Variants in ENTREP3 observed in about 807,000 individuals in gnomAD.
ENTREP3 encodes the protein endosomal transmembrane epsin interactor 3, also known as protein ENTREP3.
chr1:155,255,429 C>G, the ENTREP3 span: 1 of 152,700 alleles, frequency 6.5e-6, no homozygotes, highest in Non-Finnish European at 1.5e-5. The surrounding 1 kb of genome is among the most constrained non-coding windows in gnomAD (Gnocchi z 5.6). Context: ...CACCACGCTC[C>G]GCTCCCCGAG....
At chr1:155,249,817 C>T in the ENTREP3 span, among the ~76,000 whole-genome samples, 7 of 147,570 alleles carry the variant, frequency 4.7e-5, no homozygotes, top group Admixed American at 1.4e-4. Flanking sequence ...ACCCGGGAGG[C>T]GGAGCTTGCA....
chr1:155,250,844 T>C, the ENTREP3 span: 1 of 1,579,420 alleles, frequency 6.3e-7, no homozygotes, highest in South Asian at 1.1e-5. The surrounding 1 kb of genome is among the most constrained non-coding windows in gnomAD (Gnocchi z 5.4). Context: ...GGGGGCGCTG[T>C]GTAGCACCAG....
At chr1:155,251,775 T>A in the ENTREP3 span, 5 of 1,606,718 alleles carry the variant, frequency 3.1e-6, no homozygotes, top group East Asian at 2.2e-5. Flanking sequence ...CTCTGGGGGA[T>A]AGTAGGGCGG....
chr1:155,247,679 G>T, the ENTREP3 span: 2 of 1,111,038 alleles, frequency 1.8e-6, no homozygotes, highest in South Asian at 3.1e-5. Context: ...GTATACAGCA[G>T]GTTTCTTTTT....
At chr1:155,250,739 C>G in the ENTREP3 span, 1 of 1,612,952 alleles carries the variant, frequency 6.2e-7, no homozygotes, top group Non-Finnish European at 8.5e-7. The surrounding 1 kb of genome is among the most constrained non-coding windows in gnomAD (Gnocchi z 5.4). Context: ...GCAGCTCCAG[C>G]AGGCACGAGT....
the ENTREP3 span, chr1:155,251,727 C>A: frequency 1.2e-6 from 2 of 1,612,670 alleles, no homozygotes; most frequent in Non-Finnish European, 1.7e-6. Context: ...CCCCACCAGG[C>A]CTTACCTCTG....
the ENTREP3 span, among the ~76,000 whole-genome samples, chr1:155,249,980 A>G: frequency 6.6e-6 from 1 of 151,558 alleles, no homozygotes; most frequent in Non-Finnish European, 1.5e-5. Flanking sequence ...GAGTCACTTG[A>G]ACCCGGGAAA....
At chr1:155,251,234 G>A in the ENTREP3 span, 4 of 1,275,438 alleles carry the variant, frequency 3.1e-6, no homozygotes, top group Non-Finnish European at 4.3e-6. Flanking sequence ...ACAGAGCTCT[G>A]GAGACTTAGA....
chr1:155,252,690 G>GTGTGTA, the ENTREP3 span: 4 of 32,880 alleles, frequency 1.2e-4, no homozygotes, highest in African/African-American at 1.9e-4. Context: ...AATTTTGTGT[G>GTGTGTA]TATATATATA....
the ENTREP3 span, chr1:155,250,527 C>T: frequency 2.6e-6 from 4 of 1,530,086 alleles, no homozygotes; most frequent in South Asian, 1.2e-5. The surrounding 1 kb of genome is among the most constrained non-coding windows in gnomAD (Gnocchi z 5.4). Context: ...GTGGCAGCTG[C>T]GGGCAGCTGT....
At chr1:155,247,964 G>A in the ENTREP3 span, 25 of 1,606,506 alleles carry the variant, frequency 1.6e-5, no homozygotes, top group Non-Finnish European at 1.5e-5. Context: ...ACCTGGACAG[G>A]GACACAAGAA....
At chr1:155,249,236 G>A in the ENTREP3 span, among the ~76,000 whole-genome samples, 3 of 151,464 alleles carry the variant, frequency 2.0e-5, no homozygotes, top group South Asian at 2.1e-4. Flanking sequence ...AATTACAGGC[G>A]CGCTCCACCA....
the ENTREP3 span, chr1:155,247,647 A>ATT: frequency 0.31 from 261,365 of 848,410 alleles, 47,888 homozygotes; most frequent in East Asian, 0.73. Context: ...CAGAGGTAGG[A>ATT]GGGAAAGGGA....
the ENTREP3 span, chr1:155,253,767 C>T: frequency 2.2e-5 from 35 of 1,605,776 alleles, no homozygotes; most frequent in Admixed American, 7.0e-5. Flanking sequence ...AGTCAGGAGA[C>T]GGCTAAGTTC....
the ENTREP3 span, chr1:155,248,482 AAGAG>A: frequency 6.2e-7 from 1 of 1,612,538 alleles, no homozygotes; most frequent in Non-Finnish European, 8.5e-7. Flanking sequence ...AGCTGGGGAG[AAGAG>A]AGAAAGGGAG....
At chr1:155,249,207 CCTCT>C in the ENTREP3 span, among the ~76,000 whole-genome samples, 1 of 151,948 alleles carries the variant, frequency 6.6e-6, no homozygotes, top group Admixed American at 6.6e-5. Context: ...CCTGCCTTAG[CCTCT>C]CTGTTAGTAG....
At chr1:155,254,063 C>T in the ENTREP3 span, 22 of 1,613,756 alleles carry the variant, frequency 1.4e-5, no homozygotes, top group Non-Finnish European at 1.8e-5. This position sits in a 1 kb window ranked among gnomAD's most constrained non-coding sequence, Gnocchi z 4.4. Flanking sequence ...TTCTTTCCAG[C>T]TCTCCCTCCT....
chr1:155,250,943 G>A, the ENTREP3 span: 1 of 1,263,590 alleles, frequency 7.9e-7, no homozygotes, highest in Non-Finnish European at 1.1e-6. This position sits in a 1 kb window ranked among gnomAD's most constrained non-coding sequence, Gnocchi z 5.4. Context: ...TATCTCAGAG[G>A]AGAAAAATAA....
At chr1:155,247,837 C>A in the ENTREP3 span, 1 of 1,488,366 alleles carries the variant, frequency 6.7e-7, no homozygotes, top group Non-Finnish European at 8.9e-7. Context: ...GGGGCGGGTA[C>A]CACGCTCCAG....
Sources: gnomAD v4.1 joint callset for allele counts (sites outside exome capture counted in the v4.1 genomes callset) on GRCh38, gnomAD v4.1.1 for gene constraint, Gnocchi (gnomAD v3.1) non-coding constraint, MANE v1.5 for transcripts, NCBI Gene and HGNC (gene_info 2026-07-23, HGNC 2026-07-21) for gene names.